Variants in HAUS1 observed in about 807,000 individuals in gnomAD.
HAUS1 encodes the protein HAUS augmin-like complex subunit 1.
Under a neutral mutation model 38.6 loss-of-function variants are expected in HAUS1, and 25 were observed. That is an observed-to-expected ratio of 0.65 (90% CI 0.47 to 0.91). The LOEUF is 0.91. Among genes scored for constraint, HAUS1 ranks in the 40% least tolerant of loss-of-function variants. The pLI, the probability that HAUS1 is intolerant of heterozygous loss-of-function variation, is 0.00. For synonymous variants in HAUS1, 109 were observed against 112.9 expected (o/e 0.97, Z 0.22); for missense variants, 325 against 328.4 (o/e 0.99, Z 0.08).
chr18:46,121,209 G>A (rs1163687859), intron 4 of HAUS1, among the ~76,000 whole-genome samples: 1 of 151,732 alleles, frequency 6.6e-6, no homozygotes, highest in Non-Finnish European at 1.5e-5. Context: ...ATTTTGTTGA[G>A]ACAGAGTTTC....
chr18:46,122,468 G>C lies in HAUS1; in HGVS notation c.478G>C (p.Asp160His). The C allele has an allele frequency of 1.9e-6, 3 of 1,613,156 alleles. No individual in the cohort carries two copies. The South Asian group carries it at 3.3e-5, about 18-fold the overall frequency. The change falls in exon 5 of 9, where the codon GAT becomes CAT. Residue 160 changes from aspartate (D) to histidine (H), a missense_variant and splice_region_variant. Asp to His is a moderately conservative substitution (Grantham distance 81). Coordinates refer to ENST00000282058, the MANE Select transcript of HAUS1 (RefSeq NM_138443.4). ...TLVLEKCLQE[D>H]VKKAELHLST... ...TGTTTTTAATTTTGCTTTTTAAAGGGATGTCAAGAAAGCAGAGTTGCATCT... is the reference window on the plus strand; with the variant it reads ...TGTTTTTAATTTTGCTTTTTAAAGGCATGTCAAGAAAGCAGAGTTGCATCT...
At chr18:46,123,074 G>A in intron 5 of HAUS1, 1 of 447,304 alleles carries the variant, frequency 2.2e-6, no homozygotes, top group Non-Finnish European at 4.1e-6. Flanking sequence ...AGCCGGGCGT[G>A]GTGGTGGGCG....
At chr18:46,105,122 T>A (rs977265793) in intron 1 of HAUS1, 72 bp from the exon 2 acceptor site, 8 of 1,162,858 alleles carry the variant, frequency 6.9e-6, no homozygotes, top group Non-Finnish European at 9.7e-6. Context: ...TTTGATCACT[T>A]CTTTGTCATA....
chr18:46,119,883 A>G (rs1230019101), intron 3 of HAUS1, 43 bp from the exon 4 acceptor site: 8 of 1,484,866 alleles, frequency 5.4e-6, no homozygotes, highest in Non-Finnish European at 7.2e-6. Flanking sequence ...AATTATAATT[A>G]TTGCCCATTA....
At chr18:46,118,040 TG>T in intron 2 of HAUS1, 140 bp from the exon 3 acceptor site, 1 of 684,954 alleles carries the variant, frequency 1.5e-6, no homozygotes, top group Non-Finnish European at 2.5e-6. Flanking sequence ...GTTGTACTGA[TG>T]GGGATACAAC....
chr18:46,119,558 A>G (rs944395176), intron 3 of HAUS1, among the ~76,000 whole-genome samples: 4 of 152,136 alleles, frequency 2.6e-5, no homozygotes, highest in African/African-American at 9.7e-5. Context: ...GATGAATACG[A>G]TAGTAACTTC....
intron 3 of HAUS1, among the ~76,000 whole-genome samples, chr18:46,119,340 A>G (rs1417809723): frequency 6.7e-6 from 1 of 150,028 alleles, no homozygotes; most frequent in Non-Finnish European, 1.5e-5. Context: ...TAAGTTCAGC[A>G]GATAACAAAT....
At chr18:46,115,060 TTCAA>T (rs1911763856) in intron 2 of HAUS1, 1 of 152,142 alleles carries the variant, frequency 6.6e-6, no homozygotes, top group African/African-American at 2.4e-5. Flanking sequence ...AACAAGACAA[TTCAA>T]CGGAGAAAAC....
intron 2 of HAUS1, among the ~76,000 whole-genome samples, chr18:46,108,809 A>T (rs140555764): frequency 3.3e-5 from 5 of 152,072 alleles, no homozygotes; most frequent in Non-Finnish European, 7.4e-5. Context: ...TGATGGCTCA[A>T]GCCTGTAATC....
intron 2 of HAUS1, chr18:46,115,156 G>T (rs940301169): frequency 6.6e-6 from 1 of 152,082 alleles, no homozygotes; most frequent in Non-Finnish European, 1.5e-5. Flanking sequence ...CAAAATAGAA[G>T]AATTCTCTCA....
intron 2 of HAUS1, among the ~76,000 whole-genome samples, chr18:46,112,368 G>GTA (rs34043990): frequency 9.7e-6 from 1 of 103,044 alleles, no homozygotes; most frequent in Non-Finnish European, 1.7e-5. Context: ...TATATAATGT[G>GTA]TATATATATT....
rs1168006493 is a variant in HAUS1, at chr18:46,125,630, T to C, written c.739-114T>C. Reference sequence around the variant, plus strand: ...GGTAAATTTCAGTGTTATATGTACATTGGGTATCCCTCTGGGAGGATTTTT... The same window carrying C: ...GGTAAATTTCAGTGTTATATGTACACTGGGTATCCCTCTGGGAGGATTTTT... On this transcript the variant is annotated intron_variant, in intron 7 of 8. Transcript: ENST00000282058. The C allele has an allele frequency of 9.1e-6, 6 of 656,500 alleles. No homozygotes were observed. In the East Asian group the frequency reaches 1.4e-4, roughly 15 times the overall value. 40.7% of individuals were successfully genotyped at this position (656,500 alleles called of 1,614,324 possible).
Position 46,118,228 on chromosome 18 carries a change from G to T in HAUS1, c.253G>T (p.Ala85Ser). The change falls in exon 3 of 9, where the codon GCC (alanine) becomes TCC (serine). Residue 85 changes from alanine to serine, a missense_variant. Ala to Ser is a moderately conservative substitution (Grantham distance 99). Transcript: ENST00000282058. ...LLMESVNFSP[A>S]NLSSTGSRYL... ...CATGGAGAGTGTGAATTTTTCCCCCGCCAATCTCTCTAGCACTGGTTCCAG... is the reference window on the plus strand; with the variant it reads ...CATGGAGAGTGTGAATTTTTCCCCCTCCAATCTCTCTAGCACTGGTTCCAG... 6.2e-7 allele frequency: 1 copy of T among 1,612,182 alleles called. No individual in the cohort carries two copies. The highest frequency in any genetic ancestry group is 1.7e-5 in the Admixed American group (1 of 59,984).
chr18:46,117,870 C>G (rs551357141), intron 2 of HAUS1, among the ~76,000 whole-genome samples: 9 of 151,768 alleles, frequency 5.9e-5, no homozygotes, highest in Middle Eastern at 3.4e-3. Context: ...CACTGGAACC[C>G]GGGGGGTGGA....
chr18:46,110,341 T>TTTTTG (rs1442578988), intron 2 of HAUS1, among the ~76,000 whole-genome samples: 4,648 of 120,016 alleles, frequency 0.039, 231 homozygotes, highest in African/African-American at 0.071. Context: ...AGGTTTTTTT[T>TTTTTG]TTTTTTTTTT....
intron 2 of HAUS1, among the ~76,000 whole-genome samples, chr18:46,108,467 G>A (rs1473115254): frequency 4.6e-5 from 7 of 151,494 alleles, no homozygotes; most frequent in Non-Finnish European, 8.8e-5. Context: ...TAATTCCTTC[G>A]GCTTGCTTTT....
At chr18:46,121,455 A>G (rs2144262103) in intron 4 of HAUS1, among the ~76,000 whole-genome samples, 1 of 152,170 alleles carries the variant, frequency 6.6e-6, no homozygotes, top group South Asian at 2.1e-4. Flanking sequence ...AGGACCTCCT[A>G]TTTCAAATTG....
chr18:46,113,021 CATATT>C (rs1911707112), intron 2 of HAUS1, among the ~76,000 whole-genome samples: 9 of 88,824 alleles, frequency 1.0e-4, no homozygotes, highest in African/African-American at 3.4e-4. Flanking sequence ...ATATATATTC[CATATT>C]ATATATATAA....
chr18:46,105,219 T>C lies in HAUS1; in HGVS notation c.56T>C (p.Phe19Ser), dbSNP rs575945317. 3.0e-5 allele frequency: 48 copies of C among 1,609,900 alleles called. No homozygotes were observed. Among genetic ancestry groups the C allele is most frequent in the African/African-American group, 2.7e-4 (20 of 74,838 alleles). Residue 19 changes from phenylalanine (F) to serine (S), a missense_variant, in exon 2 of 9, where the codon TTT (phenylalanine) becomes TCT (serine). By Grantham distance (155) the Phe-to-Ser change is radical. Transcript: ENST00000282058. Reference sequence around the variant, plus strand: ...GTTGCTGCGTGGTTAAAAAAAATATTTGGAGATCATCCTATTCCACAGTAT... The same window carrying C: ...GTTGCTGCGTGGTTAAAAAAAATATCTGGAGATCATCCTATTCCACAGTAT... ...TQVAAWLKKI[F>S]GDHPIPQYEV...
Sources: gnomAD v4.1 joint callset for allele counts (sites outside exome capture counted in the v4.1 genomes callset) on GRCh38, gnomAD v4.1.1 for gene constraint, MANE v1.5 for transcripts, NCBI Gene and HGNC (gene_info 2026-07-23, HGNC 2026-07-21) for gene names.